ADCY3: variants seen among roughly 807,000 people sequenced by gnomAD.
The protein encoded by ADCY3 is adenylate cyclase type 3.
In ADCY3, 70 loss-of-function variants were observed where a neutral mutation model predicts 119.4. The ratio of observed to expected loss-of-function variants is 0.59; its 90% CI spans 0.48 to 0.72. ADCY3 has a LOEUF of 0.72. Among genes scored for constraint, ADCY3 ranks in the 30% least tolerant of loss-of-function variants. The pLI, the probability that ADCY3 is intolerant of heterozygous loss-of-function variation, is 0.00. For missense variants in ADCY3, 1,238 were observed against 1,541.6 expected (o/e 0.80, Z 3.30); for synonymous variants, 672 against 621.4 (o/e 1.08, Z -1.21).
chr2:24,837,103 G>A, intron 8 of ADCY3, 58 bp from the exon 9 acceptor site: 1 of 1,580,742 alleles, frequency 6.3e-7, no homozygotes, highest in Non-Finnish European at 8.6e-7. Flanking sequence ...GGCGTGGACA[G>A]GTCTGGAAGT....
At chr2:24,885,446 G>A (rs1337987690) in intron 2 of ADCY3, among the ~76,000 whole-genome samples, 1 of 152,174 alleles carries the variant, frequency 6.6e-6, no homozygotes, top group African/African-American at 2.4e-5. Context: ...CCCCAGCTAG[G>A]AACACAGCAC....
intron 2 of ADCY3, among the ~76,000 whole-genome samples, chr2:24,911,673 C>CACACACACA (rs1663694083): frequency 7.4e-6 from 1 of 135,748 alleles, no homozygotes; most frequent in African/African-American, 3.5e-5. Flanking sequence ...CACACACACA[C>CACACACACA]CACCAAGCCC....
rs139147672 is a variant in ADCY3, at chr2:24,918,564, C to T, written c.424G>A (p.Val142Met). 19 of 1,614,038 alleles carry T rather than the reference C, an allele frequency of 1.2e-5. No individual in the cohort carries two copies. The highest frequency in any genetic ancestry group is 1.6e-4 in the Middle Eastern group (1 of 6,084). ...DRVTRRVLPY[V>M]LWLLITAQIF... ...TGGGCGGTTATGAGCAGCCACAGCA[C>T]GTAGGGCAGCACTCTGCGGGTGACC... is the stretch of plus-strand genomic sequence containing the variant. Residue 142 changes from valine (V) to methionine (M), a missense_variant, in exon 2 of 22, where the codon GTG (valine) becomes ATG (methionine). Around this residue, in one of 7 missense-constraint regions of ADCY3, gnomAD observed 227 missense variants for 249.3 expected, o/e 0.91. Coordinates refer to ENST00000679454, the MANE Select transcript of ADCY3 (RefSeq NM_004036.5). This position sits in a 1 kb window ranked among gnomAD's most constrained non-coding sequence, Gnocchi z 5.4.
intron 2 of ADCY3, among the ~76,000 whole-genome samples, chr2:24,885,323 C>T (rs1676904089): frequency 1.3e-5 from 2 of 152,194 alleles, no homozygotes; most frequent in African/African-American, 4.8e-5. Context: ...TTCCAGGAGA[C>T]CTTATGGCGG....
chr2:24,877,981 C>T (rs959308963), intron 2 of ADCY3: 11 of 471,080 alleles, frequency 2.3e-5, no homozygotes, highest in Admixed American at 4.7e-5. Flanking sequence ...CTTCTTGCCC[C>T]GTGGTCCCCT....
chr2:24,838,422 G>GTGGGGTGGT, intron 8 of ADCY3, 23 bp downstream of exon 8: 1 of 1,554,528 alleles, frequency 6.4e-7, no homozygotes, highest in Non-Finnish European at 8.7e-7. Flanking sequence ...GGTGGGGTGG[G>GTGGGGTGGT]TGGGGTGGGG....
chr2:24,824,629 C>T, intron 16 of ADCY3, 93 bp from the exon 17 acceptor site: 2 of 1,443,158 alleles, frequency 1.4e-6, no homozygotes, highest in East Asian at 2.3e-5. Flanking sequence ...CGGTTCATGC[C>T]TGTAATCCCA....
chr2:24,860,988 C>A (rs1050274507), intron 3 of ADCY3, among the ~76,000 whole-genome samples: 3 of 152,212 alleles, frequency 2.0e-5, no homozygotes, highest in African/African-American at 7.2e-5. Flanking sequence ...ATGGGGCTCA[C>A]GACTGCAATC....
intron 21 of ADCY3, 61 bp downstream of exon 21, chr2:24,820,663 C>G (rs549388688): frequency 1.2e-4 from 189 of 1,604,780 alleles, no homozygotes; most frequent in Non-Finnish European, 1.5e-4. Flanking sequence ...TGGGAAAGCA[C>G]TGTTCCGGTT....
At chr2:24,877,475 CCT>C (rs1211860153) in intron 2 of ADCY3, among the ~76,000 whole-genome samples, 3 of 152,184 alleles carry the variant, frequency 2.0e-5, no homozygotes, top group Non-Finnish European at 2.9e-5. Flanking sequence ...CGGTCGCTCC[CCT>C]GAGGACAGCG....
Position 24,829,011 on chromosome 2 carries a change from T to C in ADCY3, c.2173-850A>G, listed in dbSNP as rs529697848. Among the ~76,000 whole-genome samples, 7 of 88,826 alleles carry C rather than the reference T, an allele frequency of 7.9e-5. 1 individual carries two copies. Among genetic ancestry groups the C allele is most frequent in the Admixed American group, 1.6e-4 (1 of 6,066 alleles). The allele number at this position is 88,826 out of a possible 152,430, so 58.3% of individuals were successfully genotyped here. ...TAACTCCTCATTCCCAGTAGACTTA[T>C]TCTTTTTTTTCTTTTTTTTTTTTGA... On this transcript the variant is annotated intron_variant, in intron 13 of 21. Coordinates refer to ENST00000679454, the MANE Select transcript of ADCY3 (RefSeq NM_004036.5).
intron 12 of ADCY3, 58 bp from the exon 13 acceptor site, chr2:24,830,883 G>A (rs762007803): frequency 5.2e-5 from 70 of 1,352,006 alleles, no homozygotes; most frequent in Non-Finnish European, 6.6e-5. Flanking sequence ...CTCCTGCGAC[G>A]TGACTGACAG....
intron 2 of ADCY3, chr2:24,877,829 C>T (rs1675903621): frequency 4.3e-6 from 2 of 465,706 alleles, no homozygotes; most frequent in East Asian, 7.0e-5. Context: ...GGCGAGACAG[C>T]TGGCGCTCGA....
intron 7 of ADCY3, among the ~76,000 whole-genome samples, chr2:24,839,068 G>C (rs957941023): frequency 6.6e-6 from 1 of 151,378 alleles, no homozygotes; most frequent in African/African-American, 2.4e-5. Flanking sequence ...TCAGCCTCCA[G>C]AGTAGCTGGA....
chr2:24,904,021 A>G (rs527511461), intron 2 of ADCY3, among the ~76,000 whole-genome samples: 1 of 152,298 alleles, frequency 6.6e-6, no homozygotes, highest in East Asian at 1.9e-4. Context: ...CTTCTTCACC[A>G]TGTCTCCCAC....
chr2:24,845,303 G>C (rs569334575), intron 3 of ADCY3, among the ~76,000 whole-genome samples: 5 of 152,378 alleles, frequency 3.3e-5, no homozygotes, highest in Non-Finnish European at 5.9e-5. Flanking sequence ...CTGTGGGGAA[G>C]TCTGGAACCT....
chr2:24,840,754 G>A lies in ADCY3; in HGVS notation c.1196+505C>T, dbSNP rs558026048. 9.9e-4 allele frequency among the ~76,000 whole-genome samples: 151 copies of A among 152,326 alleles called. 1 individual carries two copies. Among genetic ancestry groups the A allele is most frequent in the African/African-American group, 3.5e-3 (144 of 41,576 alleles). On this transcript the variant is annotated intron_variant, in intron 6 of 21. Transcript: ENST00000679454. ...GGGGCAAGAGTAGGGGACAGTGAGG[G>A]CAGGAGAGTTTGCCTCCCTCACAGC...
At chr2:24,835,535 A>G (rs1414088947) in intron 9 of ADCY3, among the ~76,000 whole-genome samples, 5 of 152,176 alleles carry the variant, frequency 3.3e-5, no homozygotes, top group African/African-American at 1.2e-4. Flanking sequence ...ATCAACTCCA[A>G]AAACAGGAAT....
At chr2:24,844,367 C>G (rs1235957939) in intron 3 of ADCY3, among the ~76,000 whole-genome samples, 2 of 152,110 alleles carry the variant, frequency 1.3e-5, no homozygotes, top group East Asian at 3.9e-4. Context: ...TCCTCAGCAC[C>G]TAGGGCCTGG....
Sources: gnomAD v4.1 joint callset for allele counts (sites outside exome capture counted in the v4.1 genomes callset) on GRCh38, gnomAD v4.1.1 for gene constraint, gnomAD v4.1.1 regional missense constraint, Gnocchi (gnomAD v3.1) non-coding constraint, MANE v1.5 for transcripts, NCBI Gene and HGNC (gene_info 2026-07-23, HGNC 2026-07-21) for gene names.